CHST3: variants seen among roughly 807,000 people sequenced by gnomAD.
CHST3 encodes the protein carbohydrate sulfotransferase 3.
A neutral mutation model predicts 35.4 loss-of-function variants in CHST3; 20 were observed. The ratio of observed to expected loss-of-function variants is 0.57; its 90% CI spans 0.40 to 0.82. The LOEUF (loss-of-function observed/expected upper bound fraction) is 0.82. Ranked by LOEUF, CHST3 falls within the 40% of genes least tolerant of loss-of-function variation. The pLI is 0.00. For synonymous variants in CHST3, 334 were observed against 295.9 expected, an observed-to-expected ratio of 1.13 and a Z score of -1.32; for missense variants, 693 against 670.1, an observed-to-expected ratio of 1.03 and a Z score of -0.38.
At chr10:72,002,247 G>A (rs1840000927) in intron 1 of CHST3, among the ~76,000 whole-genome samples, 1 of 152,192 alleles carries the variant, frequency 6.6e-6, no homozygotes, top group Admixed American at 6.5e-5. Context: ...AAGGATCTTA[G>A]GAAAGCTGTG....
Position 72,008,877 on chromosome 10 carries a change from G to A in CHST3, c.*406G>A, listed in dbSNP as rs80210009. The A allele has an allele frequency of 0.016, 2,660 of 166,526 alleles. 39 individuals are homozygous for A. The highest frequency in any genetic ancestry group is 0.026 in the Non-Finnish European group (2,024 of 77,460). The allele number at this position is 166,526 out of a possible 1,614,324, so 10.3% of individuals were successfully genotyped here. A position where few individuals can be genotyped will look rare whatever the true frequency, so the allele number is the denominator to read the frequency against. On this transcript the variant is annotated 3_prime_UTR_variant, in exon 3 of 3. Coordinates refer to ENST00000373115, the MANE Select transcript of CHST3 (RefSeq NM_004273.5). ...CCTCCTGCTTTATTTGGTGTTAACC[G>A]TTTCTTGTCTGGATGGTGAAGTCTG...
intron 1 of CHST3, among the ~76,000 whole-genome samples, chr10:71,992,772 T>C (rs1390839782): frequency 6.6e-6 from 1 of 151,160 alleles, no homozygotes; most frequent in Non-Finnish European, 1.5e-5. Context: ...GCAATTCTAC[T>C]GCCTCAGCCT....
At position 72,007,299 on chromosome 10, in the gene CHST3, C is replaced by T. The variant is rs146344177; in HGVS notation, c.268C>T (p.Leu90Phe). The change falls in exon 3 of 3, where the codon CTT becomes TTT. Residue 90 changes from leucine to phenylalanine, a missense_variant. Physicochemically the swap from Leu to Phe is conservative, Grantham distance 22 (BLOSUM62 0). Coordinates refer to ENST00000373115, the MANE Select transcript of CHST3 (RefSeq NM_004273.5). ...LSELDSAFSQ[L>F]QSRLRNLSLQ... ...CGAGCTCGATTCAGCCTTCTCCCAGCTTCAGAGCCGTCTCCGCAACCTCAG... is the reference window on the plus strand; with the variant it reads ...CGAGCTCGATTCAGCCTTCTCCCAGTTTCAGAGCCGTCTCCGCAACCTCAG... 2.4e-5 allele frequency: 39 copies of T among 1,613,510 alleles called. No homozygotes were observed. Among genetic ancestry groups the T allele is most frequent in the Non-Finnish European group, 3.1e-5 (36 of 1,179,802 alleles).
intron 2 of CHST3, among the ~76,000 whole-genome samples, chr10:72,006,526 G>A (rs1219721454): frequency 6.6e-6 from 1 of 152,226 alleles, no homozygotes; most frequent in Non-Finnish European, 1.5e-5. Context: ...ATGTGCAGCT[G>A]CCAAGTTGTG....
Position 72,009,647 on chromosome 10 carries a change from A to T in CHST3, c.*1176A>T, listed in dbSNP as rs1840087864. On this transcript the variant is annotated 3_prime_UTR_variant, in exon 3 of 3. Coordinates refer to ENST00000373115, the MANE Select transcript of CHST3 (RefSeq NM_004273.5). ...CCCGTGGGGGAGAAGTCCCACCAGG[A>T]TGCCCCCCCTCCCCTGAGAAGCCCG... The T allele has an allele frequency of 6.6e-6, 1 of 152,248 alleles. No individual in the cohort carries two copies. The highest frequency in any genetic ancestry group is 1.5e-5 in the Non-Finnish European group (1 of 68,090). 9.4% of individuals were successfully genotyped at this position (152,248 alleles called of 1,614,324 possible).
At position 72,005,813 on chromosome 10, in the gene CHST3, C is replaced by T. The variant is rs371549056; in HGVS notation, c.-30C>T. 4 of 1,613,906 alleles carry T rather than the reference C, an allele frequency of 2.5e-6. No homozygotes were observed. The highest frequency in any genetic ancestry group is 3.4e-6 in the Non-Finnish European group (4 of 1,180,022). On this transcript the variant is annotated 5_prime_UTR_variant, in exon 2 of 3. Coordinates refer to ENST00000373115, the MANE Select transcript of CHST3 (RefSeq NM_004273.5). Reference sequence around the variant, plus strand: ...CTCAGCTGAGTGTCCAAGGCTGGCCCGAGGAGCCCCCACGGCCCCACCTTT... The same window carrying T: ...CTCAGCTGAGTGTCCAAGGCTGGCCTGAGGAGCCCCCACGGCCCCACCTTT...
rs112527944 is a variant in CHST3, at chr10:71,996,996, A to G, written c.-107-8740A>G. On this transcript the variant is annotated intron_variant, in intron 1 of 2. Transcript: ENST00000373115. ...GGTCTCAAACTCCTGGGCTCGAGCA[A>G]TCTCCTGCCTCGGCCTCACCGTGCC... Among the ~76,000 whole-genome samples, 1,217 of 151,916 alleles carry G rather than the reference A, an allele frequency of 8.0e-3. 7 individuals carry two copies. The highest frequency in any genetic ancestry group is 0.019 in the African/African-American group (767 of 41,404).
At chr10:71,985,179 T>C (rs560511102) in intron 1 of CHST3, among the ~76,000 whole-genome samples, 48 of 152,358 alleles carry the variant, frequency 3.2e-4, no homozygotes, top group African/African-American at 1.1e-3. Context: ...AAGGCCATGC[T>C]TGGCCGACCC....
In CHST3 at chr10:72,011,829, G is replaced by C. The variant is rs548082422; in HGVS notation, c.*3358G>C. The C allele has an allele frequency of 1.3e-5, 2 of 152,204 alleles. No individual in the cohort carries two copies. The highest frequency in any genetic ancestry group is 2.4e-5 in the African/African-American group (1 of 41,442). The allele number at this position is 152,204 out of a possible 1,614,324, so 9.4% of individuals were successfully genotyped here. A position where few individuals can be genotyped will look rare whatever the true frequency, so the allele number is the denominator to read the frequency against. ...TGTTCCCATCTTCCCCTCGGGACCT[G>C]TTTATAAATTGAGGAATGGATGAGG... On this transcript the variant is annotated 3_prime_UTR_variant, in exon 3 of 3. Coordinates refer to ENST00000373115, the MANE Select transcript of CHST3 (RefSeq NM_004273.5).
rs756311245 is a variant in CHST3, at chr10:72,008,382, T to C, written c.1351T>C (p.Phe451Leu). The C allele has an allele frequency of 1.3e-6, 2 of 1,569,150 alleles. No homozygotes were observed. Among genetic ancestry groups the C allele is most frequent in the Non-Finnish European group, 1.7e-6 (2 of 1,157,926 alleles). Residue 451 changes from phenylalanine to leucine, a missense_variant, in exon 3 of 3, where the codon TTC (phenylalanine) becomes CTC (leucine). Transcript: ENST00000373115. The part of the protein sequence containing the change: ...QAACGPAMRL[F>L]GYKLARDAAA... ...CGCCTGCGGCCCTGCCATGCGCCTC[T>C]TCGGCTACAAACTGGCGCGGGACGC... is the stretch of plus-strand genomic sequence containing the variant.
intron 1 of CHST3, among the ~76,000 whole-genome samples, chr10:71,988,566 C>T (rs187742998): frequency 2.6e-5 from 4 of 152,316 alleles, no homozygotes; most frequent in Admixed American, 2.6e-4. Context: ...TGCTTTCCGC[C>T]ATGATTGAAA....
intron 1 of CHST3, among the ~76,000 whole-genome samples, chr10:71,967,843 G>A (rs969683312): frequency 2.0e-5 from 3 of 152,106 alleles, no homozygotes; most frequent in Non-Finnish European, 4.4e-5. Context: ...GGAGTGGTGG[G>A]ATGGAGTCTT....
At chr10:72,003,082 TCA>T (rs562607561) in intron 1 of CHST3, among the ~76,000 whole-genome samples, 41 of 152,270 alleles carry the variant, frequency 2.7e-4, no homozygotes, top group African/African-American at 9.9e-4. Flanking sequence ...TGTCTCAACC[TCA>T]GTTTCCTCAC....
intron 1 of CHST3, among the ~76,000 whole-genome samples, chr10:71,969,785 G>A (rs1839671471): frequency 6.6e-6 from 1 of 152,154 alleles, no homozygotes; most frequent in Non-Finnish European, 1.5e-5. Context: ...TCTTGGAAAT[G>A]TAGTCAGATG....
chr10:71,964,846 G>A (rs1262235377), intron 1 of CHST3, among the ~76,000 whole-genome samples, 152 bp downstream of exon 1: 2 of 152,210 alleles, frequency 1.3e-5, no homozygotes, highest in Non-Finnish European at 2.9e-5. Flanking sequence ...TCCCAGCTCG[G>A]GGAAAAGCCC....
Position 72,008,587 on chromosome 10 carries a change from T to C in CHST3, c.*116T>C. The stretch of plus-strand genomic sequence containing the variant: ...GAGCGGGCAGCGCCTCCTGTAGCAG[T>C]AGGGCCCCCAGCCAGCGCTCCAGCC... On this transcript the variant is annotated 3_prime_UTR_variant, in exon 3 of 3. Coordinates refer to ENST00000373115, the MANE Select transcript of CHST3 (RefSeq NM_004273.5). 2.1e-6 allele frequency: 3 copies of C among 1,433,986 alleles called. No homozygotes were observed. The highest frequency in any genetic ancestry group is 1.5e-5 in the South Asian group (1 of 66,734). The allele number at this position is 1,433,986 out of a possible 1,614,324, so 88.8% of individuals were successfully genotyped here.
intron 1 of CHST3, among the ~76,000 whole-genome samples, chr10:71,976,082 C>T (rs545791327): frequency 5.3e-5 from 8 of 152,306 alleles, no homozygotes; most frequent in South Asian, 4.1e-4. Context: ...ATTCTCTGTT[C>T]GGGGCTTGCA....
intron 1 of CHST3, among the ~76,000 whole-genome samples, chr10:71,991,672 C>T (rs1383077968): frequency 5.3e-5 from 8 of 152,160 alleles, no homozygotes; most frequent in Non-Finnish European, 1.0e-4. Context: ...GTGGCTCGCA[C>T]CTGTAATACC....
intron 1 of CHST3, among the ~76,000 whole-genome samples, chr10:71,995,916 G>A (rs1839934453): frequency 6.6e-6 from 1 of 152,134 alleles, no homozygotes; most frequent in Non-Finnish European, 1.5e-5. Flanking sequence ...TCATGCTTTT[G>A]GAGAAATGGC....
Sources: gnomAD v4.1 joint callset for allele counts (sites outside exome capture counted in the v4.1 genomes callset) on GRCh38, gnomAD v4.1.1 for gene constraint, MANE v1.5 for transcripts, NCBI Gene and HGNC (gene_info 2026-07-23, HGNC 2026-07-21) for gene names.